ZMAT4: variants seen among roughly 807,000 people sequenced by gnomAD.
The protein encoded by ZMAT4 is zinc finger matrin-type protein 4.
Under a neutral mutation model 28.7 loss-of-function variants are expected in ZMAT4, and 17 were observed. The observed-to-expected ratio is 0.59, with a 90% CI of 0.41 to 0.89. ZMAT4 has a LOEUF of 0.89. ZMAT4 is among the 40% of genes least tolerant of loss of function. ZMAT4 has a pLI of 0.00. For missense variants in ZMAT4, 240 were observed against 283.8 expected, an observed-to-expected ratio of 0.85 and a Z score of 1.11; for synonymous variants, 117 against 109.2, an observed-to-expected ratio of 1.07 and a Z score of -0.44.
intron 5 of ZMAT4, among the ~76,000 whole-genome samples, chr8:40,659,609 G>A (rs117845497): frequency 0.014 from 2,149 of 152,188 alleles, 24 homozygotes; most frequent in Non-Finnish European, 0.022. Context: ...GATATTTCAC[G>A]TATTCTGGAG....
chr8:40,559,246 T>A (rs1362234133), intron 6 of ZMAT4, among the ~76,000 whole-genome samples: 2 of 152,156 alleles, frequency 1.3e-5, no homozygotes, highest in African/African-American at 2.4e-5. Context: ...TCTGGCTGGC[T>A]TTACAGAGGC....
intron 3 of ZMAT4, among the ~76,000 whole-genome samples, chr8:40,728,642 T>G (rs1205818668): frequency 6.6e-6 from 1 of 152,160 alleles, no homozygotes; most frequent in African/African-American, 2.4e-5. Flanking sequence ...ACCACTGAGT[T>G]GGAGGATGGG....
rs562652026 is a variant in ZMAT4, at chr8:40,586,515, CTA to C, written c.578-5256_578-5255del. On this transcript the variant is annotated intron_variant, in intron 5 of 6. Coordinates refer to ENST00000297737, the MANE Select transcript of ZMAT4 (RefSeq NM_024645.3). ...AGGATGAAGTGAAATGTTACAGGAG[CTA>C]GAGGAGAGGAGATTGTTTCTAACTC... Among the ~76,000 whole-genome samples the C allele has an allele frequency of 1.4e-4, 22 of 152,252 alleles. No individual in the cohort carries two copies. In the South Asian group the frequency reaches 4.6e-3, roughly 32 times the overall value.
chr8:40,639,660 G>T (rs534546800), intron 5 of ZMAT4, among the ~76,000 whole-genome samples: 11 of 142,750 alleles, frequency 7.7e-5, no homozygotes, highest in African/African-American at 2.9e-4. Context: ...TCAAGAACAC[G>T]CACAATGAAG....
At chr8:40,716,647 G>A (rs371785605) in intron 3 of ZMAT4, among the ~76,000 whole-genome samples, 22 of 152,158 alleles carry the variant, frequency 1.4e-4, no homozygotes, top group Admixed American at 3.3e-4. Context: ...AACTGAGATC[G>A]TGCCACTGCA....
chr8:40,823,531 C>T (rs999153296), intron 2 of ZMAT4, among the ~76,000 whole-genome samples: 3 of 152,082 alleles, frequency 2.0e-5, no homozygotes, highest in East Asian at 3.9e-4. Context: ...TGGTGTCACG[C>T]GCCTGTAGTC....
intron 6 of ZMAT4, among the ~76,000 whole-genome samples, chr8:40,580,147 G>A (rs1389172537): frequency 6.6e-6 from 1 of 151,252 alleles, no homozygotes; most frequent in Admixed American, 6.6e-5. Flanking sequence ...TGAGTAGCTA[G>A]GACTACAGGC....
chr8:40,601,626 GAAAGAAAGA>G (rs1805360065), intron 5 of ZMAT4, among the ~76,000 whole-genome samples: 2 of 25,764 alleles, frequency 7.8e-5, no homozygotes, highest in African/African-American at 2.0e-4. Context: ...AAGAAAGAAA[GAAAGAAAGA>G]GAAAGAAAGA....
At chr8:40,645,087 A>G (rs1807241045) in intron 5 of ZMAT4, among the ~76,000 whole-genome samples, 1 of 152,190 alleles carries the variant, frequency 6.6e-6, no homozygotes, top group Non-Finnish European at 1.5e-5. Context: ...CTCAGTAAAA[A>G]TTAAGGAAAT....
intron 2 of ZMAT4, among the ~76,000 whole-genome samples, chr8:40,804,625 G>A (rs1814997099): frequency 6.6e-6 from 1 of 152,142 alleles, no homozygotes; most frequent in African/African-American, 2.4e-5. Flanking sequence ...CAGATCACCT[G>A]AGTCGGGAGT....
chr8:40,639,697 T>C (rs1401998174), intron 5 of ZMAT4, among the ~76,000 whole-genome samples: 1 of 150,654 alleles, frequency 6.6e-6, no homozygotes, highest in Non-Finnish European at 1.5e-5. Flanking sequence ...TCTGAGTTCC[T>C]GCCTGCTGGC....
At chr8:40,773,065 A>C (rs1274732473) in intron 2 of ZMAT4, among the ~76,000 whole-genome samples, 1 of 152,260 alleles carries the variant, frequency 6.6e-6, no homozygotes, top group East Asian at 1.9e-4. Context: ...AGGCAGGGTC[A>C]AATGCAGACA....
At chr8:40,696,251 T>A (rs1809879729) in intron 4 of ZMAT4, among the ~76,000 whole-genome samples, 3 of 152,214 alleles carry the variant, frequency 2.0e-5, no homozygotes, top group South Asian at 4.1e-4. Context: ...TTCCTTGTGA[T>A]TCTCTAGGTA....
At chr8:40,691,925 G>A (rs563381523) in intron 4 of ZMAT4, among the ~76,000 whole-genome samples, 5 of 152,104 alleles carry the variant, frequency 3.3e-5, no homozygotes, top group African/African-American at 1.2e-4. Flanking sequence ...TACAAAGAAA[G>A]GAGTTTTGTA....
At chr8:40,743,245 G>A (rs1298382734) in intron 3 of ZMAT4, among the ~76,000 whole-genome samples, 1 of 152,186 alleles carries the variant, frequency 6.6e-6, no homozygotes. Flanking sequence ...CCCTACTCAG[G>A]AAGAATTTAG....
intron 3 of ZMAT4, among the ~76,000 whole-genome samples, chr8:40,723,609 C>G (rs1276009787): frequency 6.9e-6 from 1 of 145,004 alleles, no homozygotes; most frequent in African/African-American, 2.5e-5. Context: ...AAGTTTAATT[C>G]TCTAAATTAA....
At chr8:40,663,145 A>T (rs535470979) in intron 5 of ZMAT4, among the ~76,000 whole-genome samples, 1 of 152,076 alleles carries the variant, frequency 6.6e-6, no homozygotes. Context: ...TCTTACCTTC[A>T]TCTAACCCAA....
chr8:40,704,197 T>C (rs936017923), intron 3 of ZMAT4, among the ~76,000 whole-genome samples: 2 of 152,218 alleles, frequency 1.3e-5, no homozygotes, highest in Non-Finnish European at 2.9e-5. Flanking sequence ...CTCCTTATAT[T>C]CTGGTACTTA....
chr8:40,874,793 C>T (rs1817983383), intron 1 of ZMAT4, among the ~76,000 whole-genome samples: 2 of 152,182 alleles, frequency 1.3e-5, no homozygotes, highest in South Asian at 4.1e-4. Flanking sequence ...AATTATAACT[C>T]TTGGTCTGAG....
Sources: allele counts gnomAD v4.1 joint callset (sites outside exome capture counted in the v4.1 genomes callset), GRCh38; gene constraint gnomAD v4.1.1; transcripts MANE v1.5; gene names NCBI Gene and HGNC (gene_info 2026-07-23, HGNC 2026-07-21).